The following HECW1 variants were observed in gnomAD, a reference collection of about 807,000 sequenced individuals.
HECW1 encodes HECT, C2 and WW domain containing E3 ubiquitin protein ligase 1.
HECW1 carries 61 observed loss-of-function variants against 182.3 expected under a neutral mutation model. That is an observed-to-expected ratio of 0.33 (90% confidence interval 0.27 to 0.41). The LOEUF (loss-of-function observed/expected upper bound fraction) is 0.41. HECW1 is among the 10% of genes least tolerant of loss of function. The probability of loss-of-function intolerance (pLI) is 1.00; values close to 1 mark genes in which losing one functional copy is unlikely to be tolerated. For missense variants in HECW1, 1,739 were observed against 2,108.9 expected (o/e 0.82, Z 3.44); for synonymous variants, 859 against 832.6 (o/e 1.03, Z -0.55).
chr7:43,360,485 T>C (rs1815729583), intron 5 of HECW1, among the ~76,000 whole-genome samples: 1 of 152,182 alleles, frequency 6.6e-6, no homozygotes, highest in South Asian at 2.1e-4. Context: ...CAATAACTTC[T>C]CAAAGTCTTT....
chr7:43,210,012 T>TG (rs1795860488), intron 2 of HECW1, among the ~76,000 whole-genome samples: 1 of 152,046 alleles, frequency 6.6e-6, no homozygotes, highest in African/African-American at 2.4e-5. Flanking sequence ...AAAGCGAAGG[T>TG]GGGACAGAGT....
intron 2 of HECW1, among the ~76,000 whole-genome samples, chr7:43,202,893 G>GT (rs1795140889): frequency 6.6e-6 from 1 of 152,122 alleles, no homozygotes; most frequent in Non-Finnish European, 1.5e-5. Flanking sequence ...GGAGCACCTT[G>GT]TGACCCCCAC....
intron 18 of HECW1, among the ~76,000 whole-genome samples, chr7:43,492,521 A>T (rs2152919371): frequency 6.6e-6 from 1 of 152,338 alleles, no homozygotes; most frequent in South Asian, 2.1e-4. Flanking sequence ...GTTTTTAGAC[A>T]GTTTTTAATG....
rs753699255 is a variant in HECW1 at position 43,463,618 on chromosome 7, A to G, written c.2652-42A>G. 3.1e-6 allele frequency: 5 copies of G among 1,593,184 alleles called. No individual in the cohort carries two copies. The Admixed American group carries it at 8.4e-5, about 27-fold the overall frequency. On this transcript the variant is annotated intron_variant, in intron 13 of 29. Coordinates refer to ENST00000395891, the MANE Select transcript of HECW1 (RefSeq NM_015052.5). ...TTCAGAGTTTTGGCCCCCAAGGAGCAAACCAAAGTTAACTCCTGTCTTTCC... is the reference window on the plus strand; with the variant it reads ...TTCAGAGTTTTGGCCCCCAAGGAGCGAACCAAAGTTAACTCCTGTCTTTCC...
In HECW1 at chr7:43,340,859, C is replaced by G. The variant is rs935645260; in HGVS notation, c.461-20027C>G. Among the ~76,000 whole-genome samples the G allele has an allele frequency of 2.1e-4, 32 of 151,660 alleles. 1 individual carries two copies. Among genetic ancestry groups the G allele is most frequent in the African/African-American group, 7.1e-4 (29 of 40,984 alleles). On this transcript the variant is annotated intron_variant, in intron 5 of 29. Transcript: ENST00000395891. ...ATGCTACTATAAAGACACATGCACA[C>G]GTATGTTTATTGTGGCAATACTCAC...
At chr7:43,259,503 A>G (rs1451826663) in intron 3 of HECW1, among the ~76,000 whole-genome samples, 3 of 152,230 alleles carry the variant, frequency 2.0e-5, no homozygotes, top group Non-Finnish European at 4.4e-5. Flanking sequence ...CCACAGATGG[A>G]TCAGATACTG....
At chr7:43,190,613 C>T (rs1054225933) in intron 2 of HECW1, among the ~76,000 whole-genome samples, 5 of 152,062 alleles carry the variant, frequency 3.3e-5, no homozygotes, top group African/African-American at 4.8e-5. Flanking sequence ...AATTTCAGTC[C>T]TCATCTTTCT....
chr7:43,149,838 AAAT>A (rs753846835), intron 2 of HECW1, among the ~76,000 whole-genome samples: 4 of 152,182 alleles, frequency 2.6e-5, no homozygotes, highest in Non-Finnish European at 4.4e-5. Context: ...CATGATTTGC[AAAT>A]AATGATGATT....
Position 43,393,183 on chromosome 7 carries a change from GA to G in HECW1, c.556-3630del, listed in dbSNP as rs569129093. ...GAAACTGCCAGAGCTTCAACAGAGAGAGGGGGGGCAACAGGACCCAGCACCA... is the reference window on the plus strand; with the variant it reads ...GAAACTGCCAGAGCTTCAACAGAGAGGGGGGGGCAACAGGACCCAGCACCA... On this transcript the variant is annotated intron_variant, in intron 6 of 29. Transcript: ENST00000395891. Among the ~76,000 whole-genome samples the G allele has an allele frequency of 1.5e-4, 23 of 152,248 alleles. No homozygotes were observed. The South Asian group carries it at 4.4e-3, about 29-fold the overall frequency.
chr7:43,311,707 G>A lies in HECW1; in HGVS notation c.28-56G>A, dbSNP rs982708956. ...ACATCTTTCGTTTTCGTGTGATGAC[G>A]GTGACTGAGTTGCCGGCGTGCCCTG... On this transcript the variant is annotated intron_variant, in intron 3 of 29. Transcript: ENST00000395891. 10 of 1,518,320 alleles carry A rather than the reference G, an allele frequency of 6.6e-6. No individual in the cohort carries two copies. The African/African-American group carries it at 1.1e-4, about 17-fold the overall frequency. 94.1% of individuals were successfully genotyped at this position (1,518,320 alleles called of 1,614,324 possible).
At chr7:43,262,233 T>C (rs1401123149) in intron 3 of HECW1, among the ~76,000 whole-genome samples, 1 of 138,010 alleles carries the variant, frequency 7.2e-6, no homozygotes, top group East Asian at 2.0e-4. Flanking sequence ...AAAATATATA[T>C]ATATGTATGT....
chr7:43,484,347 TAGC>T (rs2152911668), intron 17 of HECW1: 1 of 152,318 alleles, frequency 6.6e-6, no homozygotes, highest in Non-Finnish European at 1.5e-5. Flanking sequence ...TGTGTGAAAA[TAGC>T]AGGGTATCTG....
chr7:43,176,271 G>A (rs556427436), intron 2 of HECW1, among the ~76,000 whole-genome samples: 2 of 152,142 alleles, frequency 1.3e-5, no homozygotes, highest in Admixed American at 6.5e-5. Flanking sequence ...ATTTTTTTCA[G>A]AAAGCAGAAA....
At chr7:43,394,321 C>A (rs530552547) in intron 6 of HECW1, among the ~76,000 whole-genome samples, 1 of 152,164 alleles carries the variant, frequency 6.6e-6, no homozygotes, top group East Asian at 1.9e-4. Flanking sequence ...ATGGGAATAA[C>A]AGACATAAAG....
At chr7:43,368,518 G>T (rs1043347445) in intron 6 of HECW1, among the ~76,000 whole-genome samples, 10 of 152,190 alleles carry the variant, frequency 6.6e-5, no homozygotes, top group Non-Finnish European at 4.4e-5. Flanking sequence ...CAAGGCATCA[G>T]GTGGACTTGC....
chr7:43,424,151 C>G (rs1390905003), intron 8 of HECW1, among the ~76,000 whole-genome samples: 1 of 152,154 alleles, frequency 6.6e-6, no homozygotes, highest in East Asian at 1.9e-4. Context: ...TGATTCCATC[C>G]TTTTGGGGGC....
chr7:43,518,171 A>C (rs578074305), intron 24 of HECW1, among the ~76,000 whole-genome samples: 2 of 152,276 alleles, frequency 1.3e-5, no homozygotes, highest in South Asian at 4.1e-4. Flanking sequence ...TTTTAGAGAC[A>C]ATCTTTTTAA....
chr7:43,460,401 G>A (rs919870532), intron 13 of HECW1, among the ~76,000 whole-genome samples: 1 of 152,166 alleles, frequency 6.6e-6, no homozygotes. Flanking sequence ...CTTTAATAAG[G>A]AGTAGTTTCT....
chr7:43,158,090 G>A (rs1790092774), intron 2 of HECW1, among the ~76,000 whole-genome samples: 1 of 152,162 alleles, frequency 6.6e-6, no homozygotes, highest in South Asian at 2.1e-4. Context: ...AATTCAGGAA[G>A]CACTTTGTGC....
Sources: allele counts gnomAD v4.1 joint callset (sites outside exome capture counted in the v4.1 genomes callset), GRCh38; gene constraint gnomAD v4.1.1; transcripts MANE v1.5; gene names NCBI Gene and HGNC (gene_info 2026-07-23, HGNC 2026-07-21).